DMXL1: variants seen among roughly 807,000 people sequenced by gnomAD.
DMXL1 encodes the protein dmX-like protein 1.
DMXL1 carries 99 observed loss-of-function variants against 319.2 expected under a neutral mutation model. That is an observed-to-expected ratio of 0.31 (90% CI 0.26 to 0.37). DMXL1 has a LOEUF of 0.37. Among genes scored for constraint, DMXL1 ranks in the 10% least tolerant of loss-of-function variants. The pLI, the probability that DMXL1 is intolerant of heterozygous loss-of-function variation, is 1.00. For missense variants in DMXL1, 3,745 were observed against 3,595.6 expected, an observed-to-expected ratio of 1.04 and a Z score of -1.06; for synonymous variants, 1,385 against 1,235.2, an observed-to-expected ratio of 1.12 and a Z score of -2.54.
At chr5:119,094,141 C>G (rs1193744954) in intron 1 of DMXL1, among the ~76,000 whole-genome samples, 4 of 152,172 alleles carry the variant, frequency 2.6e-5, no homozygotes, top group Admixed American at 1.3e-4. Flanking sequence ...GCAGATGAAA[C>G]AGCCTTCTGT....
chr5:119,083,397 A>C (rs545138293), intron 1 of DMXL1, among the ~76,000 whole-genome samples: 1 of 152,166 alleles, frequency 6.6e-6, no homozygotes, highest in South Asian at 2.1e-4. Context: ...ACTGATGGGC[A>C]CTCAGGTTGA....
intron 10 of DMXL1, among the ~76,000 whole-genome samples, chr5:119,132,471 G>A (rs1196194624): frequency 1.3e-5 from 2 of 152,078 alleles, no homozygotes; most frequent in African/African-American, 4.8e-5. Flanking sequence ...ACGAGGTCAG[G>A]AGTTCAAGAC....
intron 37 of DMXL1, among the ~76,000 whole-genome samples, chr5:119,223,461 T>C (rs1784995600): frequency 6.6e-6 from 1 of 152,186 alleles, no homozygotes; most frequent in Admixed American, 6.5e-5. Flanking sequence ...ATTGGACGTA[T>C]AGTAGGTGTT....
chr5:119,220,370 T>C (rs1784448690), intron 35 of DMXL1, 102 bp from the exon 36 acceptor site: 8 of 997,948 alleles, frequency 8.0e-6, no homozygotes, highest in South Asian at 1.7e-5. Flanking sequence ...ACTTTAGTTA[T>C]CACTGCTAGA....
At chr5:119,095,737 C>G (rs1261107275) in intron 1 of DMXL1, among the ~76,000 whole-genome samples, 1 of 152,142 alleles carries the variant, frequency 6.6e-6, no homozygotes, top group African/African-American at 2.4e-5. Flanking sequence ...AAGACAACTT[C>G]TCTTAAAATT....
chr5:119,245,580 G>A lies in DMXL1; in HGVS notation c.8922+1004G>A, dbSNP rs533222667. Among the ~76,000 whole-genome samples the A allele has an allele frequency of 4.2e-5, 6 of 142,652 alleles. No individual in the cohort carries two copies. In the South Asian group the frequency reaches 6.6e-4, roughly 16 times the overall value. The allele number at this position is 142,652 out of a possible 152,430, so 93.6% of individuals were successfully genotyped here. A position where few individuals can be genotyped will look rare whatever the true frequency, so the allele number is the denominator to read the frequency against. On this transcript the variant is annotated intron_variant, in intron 43 of 43. Transcript: ENST00000539542. ...TTTTGAGACGGAGTCTTACTCTGTC[G>A]CCAGGCTGGAGCACAGTGGCACGAT... is the stretch of plus-strand genomic sequence containing the variant.
rs367805755 is a variant in DMXL1, at chr5:119,170,765, A to G, written c.5974A>G (p.Lys1992Glu). Residue 1992 changes from lysine (K) to glutamate (E), a missense_variant, in exon 24 of 44, where the codon AAA (lysine) becomes GAA (glutamate). By Grantham distance (56) the Lys-to-Glu change is moderately conservative (BLOSUM62 1). Transcript: ENST00000539542. ...SMKELKPLQR[K>E]TDKKLDDISS... ...GAAAGAACTAAAACCTTTACAGAGA[A>G]AAACAGATAAAAAGTTGGATGACAT... 7 of 1,612,464 alleles carry G rather than the reference A, an allele frequency of 4.3e-6. No individual in the cohort carries two copies. The African/African-American group carries it at 8.1e-5, about 19-fold the overall frequency.
Position 119,095,078 on chromosome 5 carries a change from C to T in DMXL1, c.88-2901C>T, listed in dbSNP as rs1046731878. On this transcript the variant is annotated intron_variant, in intron 1 of 43. Coordinates refer to ENST00000539542, the MANE Select transcript of DMXL1 (RefSeq NM_001290321.3). ...CCATGTTGCCCAAGCTAGTCTTTAA[C>T]TCCTGGACCCAAGCGACTCACCTGT... 9.1e-4 allele frequency among the ~76,000 whole-genome samples: 138 copies of T among 151,944 alleles called. 2 individuals carry two copies. Among genetic ancestry groups the T allele is most frequent in the Admixed American group, 8.9e-3 (135 of 15,242 alleles).
intron 22 of DMXL1, 23 bp downstream of exon 22, chr5:119,166,804 CAA>C (rs1773527397): frequency 6.4e-7 from 1 of 1,565,098 alleles, no homozygotes; most frequent in Admixed American, 2.0e-5. Flanking sequence ...ATTTAAATAA[CAA>C]AGTATAGCAA....
intron 33 of DMXL1, among the ~76,000 whole-genome samples, chr5:119,203,679 T>A (rs1269085213): frequency 2.0e-5 from 3 of 152,228 alleles, no homozygotes; most frequent in Non-Finnish European, 4.4e-5. Context: ...GCATCTTGTT[T>A]TGAATTGTCA....
intron 4 of DMXL1, among the ~76,000 whole-genome samples, chr5:119,109,462 A>G (rs1759090232): frequency 6.6e-6 from 1 of 152,134 alleles, no homozygotes; most frequent in African/African-American, 2.4e-5. Context: ...TTTTACTCCC[A>G]ACTACCTATA....
chr5:119,077,113 C>T (rs917102058), intron 1 of DMXL1, among the ~76,000 whole-genome samples: 1 of 151,882 alleles, frequency 6.6e-6, no homozygotes, highest in African/African-American at 2.4e-5. Flanking sequence ...ATCTTGGCCT[C>T]CCAAAGTGCT....
chr5:119,154,186 A>G (rs1399759142), intron 19 of DMXL1, among the ~76,000 whole-genome samples: 2 of 152,206 alleles, frequency 1.3e-5, no homozygotes, highest in Non-Finnish European at 2.9e-5. Flanking sequence ...CAACCCTACA[A>G]TGTCTTCTAA....
intron 1 of DMXL1, among the ~76,000 whole-genome samples, chr5:119,093,466 A>G (rs1310820884): frequency 2.0e-5 from 3 of 152,120 alleles, no homozygotes; most frequent in African/African-American, 4.8e-5. Flanking sequence ...ATCTGTTATG[A>G]TGATCAGTGA....
intron 34 of DMXL1, among the ~76,000 whole-genome samples, chr5:119,216,549 A>C (rs73790970): frequency 8.5e-5 from 13 of 152,302 alleles, no homozygotes; most frequent in Admixed American, 7.8e-4. Flanking sequence ...TTAAAAAATA[A>C]TATGAAAGAA....
intron 3 of DMXL1, among the ~76,000 whole-genome samples, chr5:119,102,738 T>C (rs908951038): frequency 6.6e-6 from 1 of 152,112 alleles, no homozygotes; most frequent in Non-Finnish European, 1.5e-5. Context: ...GAGGTTGTGG[T>C]GAGCAATGAT....
chr5:119,174,567 C>G (rs933296492), intron 25 of DMXL1, among the ~76,000 whole-genome samples: 1 of 152,212 alleles, frequency 6.6e-6, no homozygotes, highest in Non-Finnish European at 1.5e-5. Flanking sequence ...CCATTTTTAT[C>G]TACAAAATGA....
chr5:119,104,545 T>C (rs935651321), intron 3 of DMXL1, among the ~76,000 whole-genome samples: 1 of 152,324 alleles, frequency 6.6e-6, no homozygotes, highest in African/African-American at 2.4e-5. Flanking sequence ...TGAACTCAAC[T>C]TAGTGTAGGC....
intron 39 of DMXL1, among the ~76,000 whole-genome samples, chr5:119,234,978 G>T (rs529908390): frequency 6.6e-6 from 1 of 152,212 alleles, no homozygotes; most frequent in South Asian, 2.1e-4. Flanking sequence ...ACAAAAAACT[G>T]CTTGTCTTTG....
Sources: allele counts gnomAD v4.1 joint callset (sites outside exome capture counted in the v4.1 genomes callset), GRCh38; gene constraint gnomAD v4.1.1; transcripts MANE v1.5; gene names NCBI Gene and HGNC (gene_info 2026-07-23, HGNC 2026-07-21).